Variants in FGF19 observed in about 807,000 individuals in gnomAD.
FGF19 encodes the protein FGF-19.
In FGF19, 5 loss-of-function variants were observed where a neutral mutation model predicts 8.9. The observed-to-expected ratio is 0.56, with a 90% confidence interval of 0.29 to 1.18. The LOEUF is 1.18. Among genes scored for constraint, FGF19 ranks in the 50% most tolerant of loss-of-function variants. The probability of loss-of-function intolerance (pLI) is 0.08; values close to 1 mark genes in which losing one functional copy is unlikely to be tolerated. For synonymous variants in FGF19, 124 were observed against 128.0 expected (o/e 0.97, Z 0.21); for missense variants, 237 against 293.9 (o/e 0.81, Z 1.42).
rs59026695 is a variant in FGF19 at position 69,701,965 on chromosome 11, C to CAAAAAAAAAAAAAAA, written c.336+1281_336+1295dup. Among the ~76,000 whole-genome samples, 29 of 72,890 alleles carry CAAAAAAAAAAAAAAA rather than the reference C, an allele frequency of 4.0e-4. 1 individual carries two copies. Among genetic ancestry groups the CAAAAAAAAAAAAAAA allele is most frequent in the African/African-American group, 1.1e-3 (16 of 14,946 alleles). 47.8% of individuals were successfully genotyped at this position (72,890 alleles called of 152,430 possible). ...CCTGGGCGACAGAGCAAGACTCTGC[C>CAAAAAAAAAAAAAAA]AAAAAAAAAAAAAAAAAAAAAAAAA... is the stretch of plus-strand genomic sequence containing the variant. On this transcript the variant is annotated intron_variant, in intron 2 of 2. Coordinates refer to ENST00000294312, the MANE Select transcript of FGF19 (RefSeq NM_005117.3).
chr11:69,703,260 C>G lies in FGF19; in HGVS notation c.336+1G>C. 6.3e-7 allele frequency: 1 copy of G among 1,594,272 alleles called. No homozygotes were observed. Among genetic ancestry groups the G allele is most frequent in the African/African-American group, 1.3e-5 (1 of 74,594 alleles). On this transcript the variant is annotated splice_donor_variant, in intron 2 of 2. Transcript: ENST00000294312. LOFTEE classifies it high-confidence loss of function. This position sits in a 1 kb window ranked among gnomAD's most constrained non-coding sequence, Gnocchi z 6.8. ...CGCATCCGCCCCGTGGGGACACTTA[C>G]CAGCCCCTGCATCTTGCCGTCGGCG...
In FGF19 at chr11:69,703,204, C is replaced by T. The variant is rs1277129672; in HGVS notation, c.336+57G>A. On this transcript the variant is annotated intron_variant, in intron 2 of 2. Coordinates refer to ENST00000294312, the MANE Select transcript of FGF19 (RefSeq NM_005117.3). The surrounding 1 kb of genome is among the most constrained non-coding windows in gnomAD (Gnocchi z 6.8). ...CGCCTTTCTCTCCTTCAGGCCTCCG[C>T]CCGGGGACAGGCGCCGGTCCCCCGC... 28 of 1,282,374 alleles carry T rather than the reference C, an allele frequency of 2.2e-5. No individual in the cohort carries two copies. Among genetic ancestry groups the T allele is most frequent in the Non-Finnish European group, 3.1e-5 (28 of 912,978 alleles). 79.4% of individuals were successfully genotyped at this position (1,282,374 alleles called of 1,614,324 possible).
chr11:69,703,256 C>T lies in FGF19; in HGVS notation c.336+5G>A. 1 of 1,590,586 alleles carries T rather than the reference C, an allele frequency of 6.3e-7. No homozygotes were observed. Among genetic ancestry groups the T allele is most frequent in the Non-Finnish European group, 8.6e-7 (1 of 1,168,330 alleles). ...CCGGCGCATCCGCCCCGTGGGGACA[C>T]TTACCAGCCCCTGCATCTTGCCGTC... On this transcript the variant is annotated splice_donor_5th_base_variant and intron_variant, in intron 2 of 2. Coordinates refer to ENST00000294312, the MANE Select transcript of FGF19 (RefSeq NM_005117.3). This position sits in a 1 kb window ranked among gnomAD's most constrained non-coding sequence, Gnocchi z 6.8.
In FGF19 at chr11:69,702,616, TG is replaced by T. The variant is rs1044756262; in HGVS notation, c.336+644del. ...GCCTTCCCTGCCAGCCCCCACCCCCTGCCCCCACCAGAAAGCGTTTACAGGA... is the reference window on the plus strand; with the variant it reads ...GCCTTCCCTGCCAGCCCCCACCCCCTCCCCCACCAGAAAGCGTTTACAGGA... On this transcript the variant is annotated intron_variant, in intron 2 of 2. Coordinates refer to ENST00000294312, the MANE Select transcript of FGF19 (RefSeq NM_005117.3). The surrounding 1 kb of genome is among the most constrained non-coding windows in gnomAD (Gnocchi z 4.6). 4.2e-5 allele frequency among the ~76,000 whole-genome samples: 6 copies of T among 142,554 alleles called. No homozygotes were observed. Among genetic ancestry groups the T allele is most frequent in the African/African-American group, 1.3e-4 (5 of 39,664 alleles). The allele number at this position is 142,554 out of a possible 152,430, so 93.5% of individuals were successfully genotyped here.
chr11:69,703,031 CT>C lies in FGF19; in HGVS notation c.336+229del, dbSNP rs897306163. ...GACTCAATTGGAAATGCAAAGGCAG[CT>C]TTTGCCTATTCTCTGGCTGCTGGCT... On this transcript the variant is annotated intron_variant, in intron 2 of 2. Coordinates refer to ENST00000294312, the MANE Select transcript of FGF19 (RefSeq NM_005117.3). The surrounding 1 kb of genome is among the most constrained non-coding windows in gnomAD (Gnocchi z 6.8). 2.2e-4 allele frequency among the ~76,000 whole-genome samples: 34 copies of C among 152,354 alleles called. No individual in the cohort carries two copies. Among genetic ancestry groups the C allele is most frequent in the Admixed American group, 7.8e-4 (12 of 15,306 alleles).
chr11:69,700,290 GTTTA>G (rs1854754286), intron 2 of FGF19, among the ~76,000 whole-genome samples: 1 of 151,590 alleles, frequency 6.6e-6, no homozygotes, highest in Non-Finnish European at 1.5e-5. Context: ...CAAAACTGAG[GTTTA>G]TTATTTCATA....
Position 69,698,674 on chromosome 11 carries a change from G to C in FGF19, c.*588C>G, listed in dbSNP as rs1251724811. 5.1e-6 allele frequency: 1 copy of C among 196,906 alleles called. No homozygotes were observed. The highest frequency in any genetic ancestry group is 6.1e-5 in the Admixed American group (1 of 16,522). 12.2% of individuals were successfully genotyped at this position (196,906 alleles called of 1,614,324 possible). On this transcript the variant is annotated 3_prime_UTR_variant, in exon 3 of 3. Coordinates refer to ENST00000294312, the MANE Select transcript of FGF19 (RefSeq NM_005117.3). ...TCAAGTTGTCCCAGGGCTGGAGTGG[G>C]GCTCCAGGCTTCCCCTACTCCTGAA...
Position 69,703,951 on chromosome 11 carries a change from G to T in FGF19, c.-75C>A. ...GGCTGGGCGGCGACCGGGATGCGCTGCGGGGCTGTGAGTGCCGGGTTGGGA... is the reference window on the plus strand; with the variant it reads ...GGCTGGGCGGCGACCGGGATGCGCTTCGGGGCTGTGAGTGCCGGGTTGGGA... On this transcript the variant is annotated 5_prime_UTR_variant, in exon 1 of 3. Coordinates refer to ENST00000294312, the MANE Select transcript of FGF19 (RefSeq NM_005117.3). The surrounding 1 kb of genome is among the most constrained non-coding windows in gnomAD (Gnocchi z 6.8). The T allele has an allele frequency of 1.1e-6, 1 of 904,866 alleles. No individual in the cohort carries two copies. Among genetic ancestry groups the T allele is most frequent in the Non-Finnish European group, 1.5e-6 (1 of 685,644 alleles). The allele number at this position is 904,866 out of a possible 1,614,324, so 56.1% of individuals were successfully genotyped here.
At chr11:69,699,979 C>T (rs974364822) in intron 2 of FGF19, among the ~76,000 whole-genome samples, 2 of 151,614 alleles carry the variant, frequency 1.3e-5, no homozygotes, top group Admixed American at 6.6e-5. Context: ...CCCAGCTATT[C>T]GGGAGGCTGA....
rs1435513072 is a variant in FGF19 at position 69,701,985 on chromosome 11, A to AAAAAAAG, written c.336+1275_336+1276insCTTTTTT. 2.7e-5 allele frequency among the ~76,000 whole-genome samples: 4 copies of AAAAAAAG among 146,732 alleles called. No individual in the cohort carries two copies. In the South Asian group the frequency reaches 8.6e-4, roughly 31 times the overall value. On this transcript the variant is annotated intron_variant, in intron 2 of 2. Transcript: ENST00000294312. ...TCTGCCAAAAAAAAAAAAAAAAAAA[A>AAAAAAAG]AAAAAAAAGGCACAGAGGGATTTCA...
chr11:69,701,656 A>T (rs1178445401), intron 2 of FGF19, among the ~76,000 whole-genome samples: 1 of 147,188 alleles, frequency 6.8e-6, no homozygotes, highest in African/African-American at 2.5e-5. Flanking sequence ...TAGACCATGC[A>T]CAGGGGATCA....
At chr11:69,699,634 CATGGACGT>C (rs1854747428) in intron 2 of FGF19, 58 bp from the exon 3 acceptor site, 1 of 1,406,760 alleles carries the variant, frequency 7.1e-7, no homozygotes, top group African/African-American at 1.4e-5. Context: ...CACGGGTCCA[CATGGACGT>C]TTGTGCTACA....
At position 69,703,169 on chromosome 11, in the gene FGF19, T is replaced by G. The variant is rs1302278090; in HGVS notation, c.336+92A>C. ...GCGGAGGAGGCGAGGAAACCCTGGA[T>G]TCGAACCAGCGCCTTTCTCTCCTTC... On this transcript the variant is annotated intron_variant, in intron 2 of 2. Transcript: ENST00000294312. This position sits in a 1 kb window ranked among gnomAD's most constrained non-coding sequence, Gnocchi z 6.8. The G allele has an allele frequency of 2.4e-6, 2 of 847,678 alleles. No homozygotes were observed. Among genetic ancestry groups the G allele is most frequent in the Non-Finnish European group, 3.6e-6 (2 of 549,390 alleles). 52.5% of individuals were successfully genotyped at this position (847,678 alleles called of 1,614,324 possible). A position where few individuals can be genotyped will look rare whatever the true frequency, so the allele number is the denominator to read the frequency against.
intron 2 of FGF19, among the ~76,000 whole-genome samples, chr11:69,701,459 G>A (rs1313357407): frequency 6.6e-6 from 1 of 151,812 alleles, no homozygotes; most frequent in Non-Finnish European, 1.5e-5. Flanking sequence ...AAAACTAGCC[G>A]GTCATGGTGG....
chr11:69,700,731 C>A (rs1177619290), intron 2 of FGF19, among the ~76,000 whole-genome samples: 1 of 151,898 alleles, frequency 6.6e-6, no homozygotes. Flanking sequence ...GCCTTCCAGG[C>A]AGGCTGCCAG....
In FGF19 at chr11:69,699,551, G is replaced by T; in HGVS notation, c.362C>A (p.Ala121Asp). 1 of 1,613,338 alleles carries T rather than the reference G, an allele frequency of 6.2e-7. No homozygotes were observed. The highest frequency in any genetic ancestry group is 1.1e-5 in the South Asian group (1 of 91,016). Residue 121 changes from alanine (A) to aspartate (D), a missense_variant, in exon 3 of 3, where the codon GCT becomes GAT. By Grantham distance (126) the Ala-to-Asp change is moderately radical. Transcript: ENST00000294312. ...ATCTGGGCGGATCTCCTCCTCGAAA[G>T]CACAGTCTTCCTCCGAGTACTGAAG... is the stretch of plus-strand genomic sequence containing the variant. ...GLLQYSEEDC[A>D]FEEEIRPDGY...
At chr11:69,701,965 CAAA>C (rs59026695) in intron 2 of FGF19, among the ~76,000 whole-genome samples, 21 of 72,886 alleles carry the variant, frequency 2.9e-4, no homozygotes, top group African/African-American at 1.3e-3. Context: ...AAGACTCTGC[CAAA>C]AAAAAAAAAA....
chr11:69,703,258 T>C lies in FGF19; in HGVS notation c.336+3A>G. The C allele has an allele frequency of 1.3e-6, 2 of 1,592,052 alleles. No individual in the cohort carries two copies. The highest frequency in any genetic ancestry group is 1.7e-6 in the Non-Finnish European group (2 of 1,169,184). ...GGCGCATCCGCCCCGTGGGGACACT[T>C]ACCAGCCCCTGCATCTTGCCGTCGG... On this transcript the variant is annotated splice_donor_region_variant and intron_variant, in intron 2 of 2. Coordinates refer to ENST00000294312, the MANE Select transcript of FGF19 (RefSeq NM_005117.3). The surrounding 1 kb of genome is among the most constrained non-coding windows in gnomAD (Gnocchi z 6.8).
rs1285962437 is a variant in FGF19, at chr11:69,698,536, GC to G, written c.*725del. 5.3e-6 allele frequency: 1 copy of G among 189,720 alleles called. No homozygotes were observed. Among genetic ancestry groups the G allele is most frequent in the Admixed American group, 6.2e-5 (1 of 16,166 alleles). 11.8% of individuals were successfully genotyped at this position (189,720 alleles called of 1,614,324 possible). A position where few individuals can be genotyped will look rare whatever the true frequency, so the allele number is the denominator to read the frequency against. On this transcript the variant is annotated 3_prime_UTR_variant, in exon 3 of 3. Transcript: ENST00000294312. The stretch of plus-strand genomic sequence containing the variant: ...CTGGGAGGCCCCAATCCATGGGGAG[GC>G]ATGTGAGGTGGGCAGAGGGCTGGTG...
Sources: gnomAD v4.1 joint callset for allele counts (sites outside exome capture counted in the v4.1 genomes callset) on GRCh38, gnomAD v4.1.1 for gene constraint, Gnocchi (gnomAD v3.1) non-coding constraint, MANE v1.5 for transcripts, NCBI Gene and HGNC (gene_info 2026-07-23, HGNC 2026-07-21) for gene names.